CDKL5: variants seen among roughly 807,000 people sequenced by gnomAD.
CDKL5 encodes the protein cyclin dependent kinase like 5, also known as cyclin-dependent kinase-like 5.
Under a neutral mutation model 61.7 loss-of-function variants are expected in CDKL5, and 8 were observed. That is an observed-to-expected ratio of 0.13 (90% CI 0.08 to 0.23). The LOEUF (loss-of-function observed/expected upper bound fraction) is 0.23, where lower values mean the gene tolerates loss of function less well. Among genes scored for constraint, CDKL5 ranks in the 10% least tolerant of loss-of-function variants. The pLI, the probability that CDKL5 is intolerant of heterozygous loss-of-function variation, is 1.00. For synonymous variants in CDKL5, 275 were observed against 272.3 expected (o/e 1.01, Z -0.10); for missense variants, 440 against 734.5 (o/e 0.60, Z 4.63).
chrX:18,652,467 G>C lies in CDKL5; in HGVS notation c.2981-965G>C, dbSNP rs750341217. ...GAGGATCACTTGAGGTCAGGAGTTC[G>C]AGACCAGCCTGGCCAACACGGTGAA... On this transcript the variant is annotated intron_variant, in intron 21 of 21. Coordinates refer to the CDKL5 transcript ENST00000379989. 2.7e-5 allele frequency among the ~76,000 whole-genome samples: 3 copies of C among 111,845 alleles called. No individual in the cohort carries two copies. The South Asian group carries it at 1.1e-3, about 42-fold the overall frequency.
chrX:18,593,780 G>T (rs1925902908), intron 9 of CDKL5, among the ~76,000 whole-genome samples: 1 of 112,509 alleles, frequency 8.9e-6, no homozygotes, highest in African/African-American at 3.2e-5. Context: ...TATTGCCTGT[G>T]CATCTGTATT....
At chrX:18,477,211 C>G (rs1921350777) in intron 1 of CDKL5, among the ~76,000 whole-genome samples, 1 of 111,916 alleles carries the variant, frequency 8.9e-6, no homozygotes, top group Admixed American at 9.5e-5. Flanking sequence ...AGACTGCAGG[C>G]ACGTGCCACC....
At chrX:18,456,568 G>A (rs1715890791) in intron 1 of CDKL5, among the ~76,000 whole-genome samples, 1 of 111,941 alleles carries the variant, frequency 8.9e-6, no homozygotes, top group African/African-American at 3.2e-5. Context: ...TATATTGTTG[G>A]TACAGTGGGA....
At chrX:18,454,126 G>C in intron 1 of CDKL5, among the ~76,000 whole-genome samples, 1 of 111,779 alleles carries the variant, frequency 8.9e-6, no homozygotes, top group African/African-American at 3.2e-5. Flanking sequence ...CCCCTTATTC[G>C]ATGGTTTGGA....
At chrX:18,552,066 C>T (rs902321520) in intron 3 of CDKL5, among the ~76,000 whole-genome samples, 3 of 108,718 alleles carry the variant, frequency 2.8e-5, no homozygotes, top group Admixed American at 9.8e-5. Flanking sequence ...GGTGAAACCC[C>T]GTCTCTACTA....
intron 3 of CDKL5, 32 bp downstream of exon 3, chrX:18,510,886 G>A (rs1407806603): frequency 9.6e-7 from 1 of 1,044,750 alleles, no homozygotes; most frequent in Non-Finnish European, 1.3e-6. Flanking sequence ...AGAAATATCT[G>A]TATATGTTTA....
intron 1 of CDKL5, among the ~76,000 whole-genome samples, chrX:18,456,097 G>A (rs1460207418): frequency 9.4e-6 from 1 of 106,300 alleles, no homozygotes; most frequent in Non-Finnish European, 1.9e-5. Context: ...CACCCAGGCT[G>A]GAGTGTGGTG....
chrX:18,484,049 GCTC>G (rs1921690549), intron 1 of CDKL5, among the ~76,000 whole-genome samples: 1 of 111,589 alleles, frequency 9.0e-6, no homozygotes, highest in Non-Finnish European at 1.9e-5. Flanking sequence ...CCAGAGCATA[GCTC>G]CTCCTCAGCT....
At chrX:18,481,469 C>T (rs1314080526) in intron 1 of CDKL5, among the ~76,000 whole-genome samples, 3 of 107,195 alleles carry the variant, frequency 2.8e-5, no homozygotes, top group Non-Finnish European at 5.8e-5. Flanking sequence ...CCTCCCACCT[C>T]AGCCTCCAGA....
At chrX:18,473,899 CTT>C (rs202083135) in intron 1 of CDKL5, among the ~76,000 whole-genome samples, 4 of 96,131 alleles carry the variant, frequency 4.2e-5, no homozygotes. Flanking sequence ...AACTTCGGTT[CTT>C]TTTTTTTTTT....
At chrX:18,564,297 G>A (rs1186565352) in intron 3 of CDKL5, among the ~76,000 whole-genome samples, 180 bp from the exon 4 acceptor site, 1 of 110,479 alleles carries the variant, frequency 9.1e-6, no homozygotes, top group African/African-American at 3.3e-5. Flanking sequence ...ATGTTTGTGG[G>A]GTGATAAGAA....
intron 15 of CDKL5, among the ~76,000 whole-genome samples, chrX:18,617,885 C>CTGT (rs1341529200): frequency 2.7e-5 from 3 of 112,027 alleles, no homozygotes; most frequent in African/African-American, 9.7e-5. Context: ...TGAAAAGCCC[C>CTGT]TGTAGAGGGT....
At chrX:18,604,986 G>C (rs1926314695) in intron 12 of CDKL5, 118 bp downstream of exon 12, 3 of 876,566 alleles carry the variant, frequency 3.4e-6, no homozygotes, top group Non-Finnish European at 5.0e-6. Context: ...TTTCTTGATA[G>C]GATGCATTTA....
intron 3 of CDKL5, among the ~76,000 whole-genome samples, chrX:18,515,168 C>A (rs754279113): frequency 3.6e-5 from 4 of 112,026 alleles, no homozygotes; most frequent in Non-Finnish European, 7.5e-5. Flanking sequence ...AGCAAAAACA[C>A]GAAAAGGTCA....
intron 1 of CDKL5, among the ~76,000 whole-genome samples, chrX:18,463,522 T>A (rs1476946360): frequency 8.9e-6 from 1 of 112,528 alleles, no homozygotes; most frequent in Non-Finnish European, 1.9e-5. Flanking sequence ...TGAATTTGAA[T>A]ACGTTAGTGT....
chrX:18,618,006 G>A (rs1249574555), intron 15 of CDKL5, among the ~76,000 whole-genome samples: 1 of 111,729 alleles, frequency 9.0e-6, no homozygotes, highest in Non-Finnish European at 1.9e-5. Flanking sequence ...CTTATTCACC[G>A]TTTCATCCTG....
intron 6 of CDKL5, among the ~76,000 whole-genome samples, 196 bp downstream of exon 6, chrX:18,580,164 A>G (rs1037395922): frequency 1.4e-4 from 16 of 112,326 alleles, no homozygotes; most frequent in African/African-American, 5.2e-4. Flanking sequence ...GATGGATTAC[A>G]AATTTATTTG....
rs1409978814 is a variant in CDKL5, at chrX:18,465,561, C to T, written c.-163+39866C>T. Among the ~76,000 whole-genome samples the T allele has an allele frequency of 4.5e-5, 5 of 110,970 alleles. No individual in the cohort carries two copies. In the East Asian group the frequency reaches 1.4e-3, roughly 31 times the overall value. ...GCGGGTGCCTGTAATCCCAGCTACT[C>T]GGGAGGCTGAGGCAGGAGAATCCCT... On this transcript the variant is annotated intron_variant, in intron 1 of 17. Coordinates refer to ENST00000623535, the MANE Select transcript of CDKL5 (RefSeq NM_001323289.2).
intron 15 of CDKL5, among the ~76,000 whole-genome samples, chrX:18,619,138 T>TC (rs1370026447): frequency 1.9e-5 from 2 of 104,177 alleles, no homozygotes; most frequent in Non-Finnish European, 3.9e-5. Context: ...TAGAAGCTTT[T>TC]CCCCCCGCCC....
Sources: gnomAD v4.1 joint callset for allele counts (sites outside exome capture counted in the v4.1 genomes callset) on GRCh38, gnomAD v4.1.1 for gene constraint, MANE v1.5 for transcripts, NCBI Gene and HGNC (gene_info 2026-07-23, HGNC 2026-07-21) for gene names.